Variants in PCMTD1 observed in about 807,000 individuals in gnomAD.
The protein encoded by PCMTD1 is protein-L-isoaspartate (D-aspartate) O-methyltransferase domain containing 1.
A neutral mutation model predicts 37.6 loss-of-function variants in PCMTD1; 12 were observed. The ratio of observed to expected loss-of-function variants is 0.32; its 90% confidence interval spans 0.20 to 0.52. The LOEUF is 0.52. Among genes scored for constraint, PCMTD1 ranks in the 20% least tolerant of loss-of-function variants. PCMTD1 has a pLI of 0.97. For missense variants in PCMTD1, 235 were observed against 421.3 expected, an observed-to-expected ratio of 0.56 and a Z score of 3.87; for synonymous variants, 117 against 135.8, an observed-to-expected ratio of 0.86 and a Z score of 0.96.
At chr8:51,837,002 A>G (rs575769692) in intron 3 of PCMTD1, among the ~76,000 whole-genome samples, 1 of 152,360 alleles carries the variant, frequency 6.6e-6, no homozygotes, top group East Asian at 1.9e-4. Flanking sequence ...AACAAAACAA[A>G]CTCTTACCTC....
intron 2 of PCMTD1, among the ~76,000 whole-genome samples, chr8:51,850,291 T>C (rs1422837400): frequency 2.6e-5 from 4 of 152,204 alleles, no homozygotes; most frequent in Non-Finnish European, 5.9e-5. Context: ...AAAATTATGA[T>C]GTGCTCTCCC....
chr8:51,824,624 T>C (rs1002554951), intron 5 of PCMTD1, among the ~76,000 whole-genome samples: 7 of 152,214 alleles, frequency 4.6e-5, no homozygotes, highest in Non-Finnish European at 7.4e-5. Flanking sequence ...ATACTGTCCA[T>C]AGTAATTTAT....
At chr8:51,873,988 C>T (rs1433602853) in intron 1 of PCMTD1, among the ~76,000 whole-genome samples, 2 of 151,428 alleles carry the variant, frequency 1.3e-5, no homozygotes, top group Non-Finnish European at 2.9e-5. Flanking sequence ...TCTCAGCTCA[C>T]TGCAAGCTCC....
chr8:51,856,882 G>A (rs2038397900), intron 2 of PCMTD1, among the ~76,000 whole-genome samples: 1 of 152,210 alleles, frequency 6.6e-6, no homozygotes, highest in African/African-American at 2.4e-5. Context: ...ACTAGGCATG[G>A]GGAATAATCT....
At chr8:51,851,472 AT>A (rs1169108236) in intron 2 of PCMTD1, among the ~76,000 whole-genome samples, 1 of 152,168 alleles carries the variant, frequency 6.6e-6, no homozygotes, top group Non-Finnish European at 1.5e-5. Context: ...TTTCTACACA[AT>A]GTACTAATAT....
intron 1 of PCMTD1, among the ~76,000 whole-genome samples, chr8:51,872,326 T>A (rs888458542): frequency 6.6e-6 from 1 of 152,234 alleles, no homozygotes; most frequent in African/African-American, 2.4e-5. Context: ...ATCTTTCAGC[T>A]AACAAAATTA....
intron 1 of PCMTD1, among the ~76,000 whole-genome samples, chr8:51,892,748 G>C (rs2038953088): frequency 6.6e-6 from 1 of 152,004 alleles, no homozygotes; most frequent in South Asian, 2.1e-4. Context: ...TCCTCATAGA[G>C]ATATATGGTT....
intron 3 of PCMTD1, chr8:51,839,661 T>C: frequency 1.0e-6 from 1 of 978,574 alleles, no homozygotes; most frequent in Non-Finnish European, 1.2e-6. Flanking sequence ...AAAACAACAT[T>C]CCCCTTCAAT....
intron 1 of PCMTD1, among the ~76,000 whole-genome samples, chr8:51,880,055 G>C (rs2038770519): frequency 1.3e-5 from 2 of 151,792 alleles, no homozygotes; most frequent in Admixed American, 1.3e-4. Context: ...AAAATAGCCA[G>C]GCAAAGTGGT....
intron 1 of PCMTD1, among the ~76,000 whole-genome samples, chr8:51,865,576 C>T (rs911489784): frequency 6.6e-6 from 1 of 151,870 alleles, no homozygotes; most frequent in Non-Finnish European, 1.5e-5. Context: ...GACAAAAACC[C>T]TATGATCATT....
At chr8:51,881,604 C>T (rs1312300219) in intron 1 of PCMTD1, among the ~76,000 whole-genome samples, 2 of 151,428 alleles carry the variant, frequency 1.3e-5, no homozygotes, top group Non-Finnish European at 2.9e-5. Context: ...TTTTGTCCAA[C>T]TTAATTAATA....
chr8:51,898,957 C>T lies in PCMTD1; in HGVS notation c.-123G>A. Reference sequence around the variant, plus strand: ...GTGGCGCGGGCAGCGGCGCGCAGGCCAGGCGCTAGGACTCGGCGGGGTCCG... The same window carrying T: ...GTGGCGCGGGCAGCGGCGCGCAGGCTAGGCGCTAGGACTCGGCGGGGTCCG... On this transcript the variant is annotated 5_prime_UTR_variant, in exon 1 of 6. Coordinates refer to ENST00000522514, the MANE Select transcript of PCMTD1 (RefSeq NM_052937.4). 1 of 1,469,430 alleles carries T rather than the reference C, an allele frequency of 6.8e-7. No individual in the cohort carries two copies. The highest frequency in any genetic ancestry group is 9.0e-7 in the Non-Finnish European group (1 of 1,114,328). 91.0% of individuals were successfully genotyped at this position (1,469,430 alleles called of 1,614,324 possible).
Position 51,845,837 on chromosome 8 carries a change from C to T in PCMTD1, c.308-74G>A. On this transcript the variant is annotated intron_variant, in intron 2 of 5. Coordinates refer to ENST00000522514, the MANE Select transcript of PCMTD1 (RefSeq NM_052937.4). ...ACAGAGCTCTTTTTTAAGTTCTGCT[C>T]ATTTATACATCACAGGAGTATTTAA... 4 of 943,476 alleles carry T rather than the reference C, an allele frequency of 4.2e-6. No homozygotes were observed. In the Middle Eastern group the frequency reaches 7.0e-4, roughly 166 times the overall value. The allele number at this position is 943,476 out of a possible 1,614,324, so 58.4% of individuals were successfully genotyped here.
At chr8:51,893,402 T>A (rs1027535608) in intron 1 of PCMTD1, among the ~76,000 whole-genome samples, 10 of 152,198 alleles carry the variant, frequency 6.6e-5, no homozygotes, top group Non-Finnish European at 4.4e-5. Context: ...AAGAATTATG[T>A]ATAATCTGTG....
intron 3 of PCMTD1, among the ~76,000 whole-genome samples, chr8:51,838,902 C>T (rs1008735586): frequency 3.1e-4 from 47 of 151,760 alleles, no homozygotes; most frequent in African/African-American, 1.1e-3. Flanking sequence ...TTTATATCAA[C>T]GACACAATAA....
intron 2 of PCMTD1, among the ~76,000 whole-genome samples, chr8:51,856,283 T>C (rs1277358137): frequency 6.6e-6 from 1 of 152,168 alleles, no homozygotes; most frequent in Non-Finnish European, 1.5e-5. Context: ...TCATTAGTCA[T>C]TAAGGAAGAG....
At chr8:51,882,849 C>T (rs757605938) in intron 1 of PCMTD1, among the ~76,000 whole-genome samples, 5 of 150,804 alleles carry the variant, frequency 3.3e-5, no homozygotes, top group East Asian at 1.9e-4. Flanking sequence ...AAAAAACGGC[C>T]GGACGCAGTG....
chr8:51,833,475 G>T lies in PCMTD1; in HGVS notation c.582+43C>A, dbSNP rs1341055073. ...AAATTTCTTAACCTTAAACAAATTT[G>T]CTTGCTTCCTAGGCCACTAAAGAAA... is the stretch of plus-strand genomic sequence containing the variant. On this transcript the variant is annotated intron_variant, in intron 4 of 5. Transcript: ENST00000522514. 2.7e-6 allele frequency: 4 copies of T among 1,490,122 alleles called. No homozygotes were observed. In the African/African-American group the frequency reaches 5.6e-5, roughly 21 times the overall value. The allele number at this position is 1,490,122 out of a possible 1,614,324, so 92.3% of individuals were successfully genotyped here.
chr8:51,859,744 G>C (rs1483684161), intron 2 of PCMTD1, among the ~76,000 whole-genome samples: 10 of 152,070 alleles, frequency 6.6e-5, no homozygotes, highest in Non-Finnish European at 1.5e-4. Context: ...CAACACACTG[G>C]AACATAGAGT....
Sources: allele counts gnomAD v4.1 joint callset (sites outside exome capture counted in the v4.1 genomes callset), GRCh38; gene constraint gnomAD v4.1.1; transcripts MANE v1.5; gene names NCBI Gene and HGNC (gene_info 2026-07-23, HGNC 2026-07-21).